Variants in SLC2A13 observed in about 807,000 individuals in gnomAD.
SLC2A13 encodes proton myo-inositol cotransporter.
In SLC2A13, 32 loss-of-function variants were observed where a neutral mutation model predicts 64.4. That is an observed-to-expected ratio of 0.50 (90% CI 0.37 to 0.67). The LOEUF (loss-of-function observed/expected upper bound fraction) is 0.67, where lower values mean the gene tolerates loss of function less well. Among genes scored for constraint, SLC2A13 ranks in the 30% least tolerant of loss-of-function variants. The pLI, the probability that SLC2A13 is intolerant of heterozygous loss-of-function variation, is 0.00. For synonymous variants in SLC2A13, 338 were observed against 327.1 expected (o/e 1.03, Z -0.36); for missense variants, 743 against 829.2 (o/e 0.90, Z 1.28).
intron 7 of SLC2A13, among the ~76,000 whole-genome samples, chr12:39,772,878 T>A (rs1460025269): frequency 6.6e-6 from 1 of 151,956 alleles, no homozygotes; most frequent in Non-Finnish European, 1.5e-5. Context: ...CTCCTCATCA[T>A]CCTCATGCTG....
intron 7 of SLC2A13, among the ~76,000 whole-genome samples, chr12:39,789,624 C>T (rs958570383): frequency 2.6e-5 from 4 of 152,140 alleles, no homozygotes; most frequent in Non-Finnish European, 5.9e-5. Flanking sequence ...ATAGATAATA[C>T]AAACTGTGTC....
intron 7 of SLC2A13, among the ~76,000 whole-genome samples, chr12:39,812,996 A>AATTTT (rs1942231017): frequency 4.9e-5 from 2 of 40,616 alleles, no homozygotes; most frequent in Non-Finnish European, 8.4e-5. Context: ...TGCCCAGCTA[A>AATTTT]TTTTTTTTTT....
At chr12:40,045,533 A>G (rs1400476102) in intron 2 of SLC2A13, among the ~76,000 whole-genome samples, 1 of 150,136 alleles carries the variant, frequency 6.7e-6, no homozygotes, top group African/African-American at 2.5e-5. Flanking sequence ...ATATACTGAT[A>G]AGGATACTAG....
chr12:39,972,015 T>TATATATATAGATATATA (rs1491210436), intron 3 of SLC2A13, among the ~76,000 whole-genome samples: 1 of 80,948 alleles, frequency 1.2e-5, no homozygotes, highest in Non-Finnish European at 2.3e-5. Context: ...TATATATATA[T>TATATATATAGATATATA]TTTTTTTTAT....
chr12:40,004,380 C>T (rs1208820475), intron 3 of SLC2A13, among the ~76,000 whole-genome samples: 1 of 152,038 alleles, frequency 6.6e-6, no homozygotes, highest in Non-Finnish European at 1.5e-5. Context: ...GACAGGATTT[C>T]ACCATGTTAG....
chr12:39,970,023 G>C (rs1054213284), intron 3 of SLC2A13, among the ~76,000 whole-genome samples: 1 of 152,156 alleles, frequency 6.6e-6, no homozygotes, highest in Non-Finnish European at 1.5e-5. Context: ...CATATGGCTA[G>C]CCAGTTTTCC....
chr12:39,953,692 T>C lies in SLC2A13; in HGVS notation c.926-2327A>G, dbSNP rs955259518. Among the ~76,000 whole-genome samples the C allele has an allele frequency of 2.6e-5, 4 of 152,214 alleles. No homozygotes were observed. In the East Asian group the frequency reaches 7.7e-4, roughly 29 times the overall value. Reference sequence around the variant, plus strand: ...TCTTTCAAACACAGAAATTCTCACATTATAAAAACTAAAACCTTTAACCAA... The same window carrying C: ...TCTTTCAAACACAGAAATTCTCACACTATAAAAACTAAAACCTTTAACCAA... On this transcript the variant is annotated intron_variant, in intron 3 of 9. Transcript: ENST00000280871.
intron 4 of SLC2A13, among the ~76,000 whole-genome samples, chr12:39,895,770 G>A (rs1357253447): frequency 2.5e-4 from 14 of 56,790 alleles, no homozygotes; most frequent in East Asian, 5.0e-4. Flanking sequence ...GTACACACAT[G>A]TATATGCGTG....
At chr12:39,965,158 G>A (rs910570745) in intron 3 of SLC2A13, among the ~76,000 whole-genome samples, 5 of 152,108 alleles carry the variant, frequency 3.3e-5, no homozygotes, top group African/African-American at 1.2e-4. Flanking sequence ...TCTGTTAAGA[G>A]CAACATAATA....
chr12:39,954,043 G>A (rs1946276595), intron 3 of SLC2A13, among the ~76,000 whole-genome samples: 1 of 152,168 alleles, frequency 6.6e-6, no homozygotes, highest in Non-Finnish European at 1.5e-5. Flanking sequence ...ACAGAATAAT[G>A]GCTATCAGCT....
At chr12:39,962,524 ACTC>A (rs1946432894) in intron 3 of SLC2A13, among the ~76,000 whole-genome samples, 1 of 151,752 alleles carries the variant, frequency 6.6e-6, no homozygotes, top group Non-Finnish European at 1.5e-5. Context: ...CTCTGCCTGA[ACTC>A]CTCATGGCTA....
chr12:39,812,996 ATTT>A lies in SLC2A13; in HGVS notation c.1445+17104_1445+17106del, dbSNP rs71449493. 1.8e-3 allele frequency among the ~76,000 whole-genome samples: 74 copies of A among 40,608 alleles called. 2 individuals are homozygous for A. Among genetic ancestry groups the A allele is most frequent in the East Asian group, 0.011 (11 of 1,004 alleles). The allele number at this position is 40,608 out of a possible 152,430, so 26.6% of individuals were successfully genotyped here. A position where few individuals can be genotyped will look rare whatever the true frequency, so the allele number is the denominator to read the frequency against. On this transcript the variant is annotated intron_variant, in intron 7 of 9. Transcript: ENST00000280871. The stretch of plus-strand genomic sequence containing the variant: ...AGGCGCCTGACATCATGCCCAGCTA[ATTT>A]TTTTTTTTTTTTTTTTTTTTTTTTT...
At chr12:39,865,968 A>T (rs897100748) in intron 5 of SLC2A13, among the ~76,000 whole-genome samples, 6 of 152,138 alleles carry the variant, frequency 3.9e-5, no homozygotes, top group African/African-American at 1.4e-4. Context: ...TGTACACCAG[A>T]CCTCTGAGAT....
chr12:39,767,018 C>T (rs967502682), intron 7 of SLC2A13, among the ~76,000 whole-genome samples: 3 of 152,092 alleles, frequency 2.0e-5, no homozygotes, highest in East Asian at 1.9e-4. Context: ...CCATGAATCA[C>T]GAATGTTTTT....
intron 3 of SLC2A13, among the ~76,000 whole-genome samples, chr12:39,962,468 T>C (rs549790): frequency 0.057 from 8,743 of 152,276 alleles, 386 homozygotes; most frequent in Admixed American, 0.14. Context: ...AAAAAAATCA[T>C]GTCCAGTAGA....
chr12:39,949,579 C>CAGA (rs1475675285), intron 4 of SLC2A13: 25 of 152,268 alleles, frequency 1.6e-4, no homozygotes, highest in Middle Eastern at 3.4e-3. Flanking sequence ...ACAGTCATTT[C>CAGA]AAACTAGGAA....
intron 7 of SLC2A13, among the ~76,000 whole-genome samples, chr12:39,780,835 A>C (rs1697583190): frequency 6.6e-6 from 1 of 152,234 alleles, no homozygotes; most frequent in African/African-American, 2.4e-5. Context: ...GTAAGGAACT[A>C]AAAGAAATTT....
chr12:39,772,445 A>C (rs541547731), intron 7 of SLC2A13, among the ~76,000 whole-genome samples: 13 of 152,290 alleles, frequency 8.5e-5, no homozygotes, highest in Middle Eastern at 6.8e-3. Context: ...GTCCATCATA[A>C]TACCCTATGT....
chr12:40,042,779 G>A (rs1017956058), intron 2 of SLC2A13, among the ~76,000 whole-genome samples: 1 of 152,012 alleles, frequency 6.6e-6, no homozygotes, highest in Non-Finnish European at 1.5e-5. Flanking sequence ...AGAAGAGTAA[G>A]CAAGTAGTTG....
Sources: allele counts gnomAD v4.1 joint callset (sites outside exome capture counted in the v4.1 genomes callset), GRCh38; gene constraint gnomAD v4.1.1; transcripts MANE v1.5; gene names NCBI Gene and HGNC (gene_info 2026-07-23, HGNC 2026-07-21).